The following PRKDC variants were observed in gnomAD, a reference collection of about 807,000 sequenced individuals.
PRKDC encodes protein kinase, DNA-activated, catalytic subunit, also known as DNA-dependent protein kinase catalytic subunit.
Under a neutral mutation model 486.9 loss-of-function variants are expected in PRKDC, and 82 were observed. The observed-to-expected ratio is 0.17, with a 90% CI of 0.14 to 0.20. The LOEUF (loss-of-function observed/expected upper bound fraction) is 0.20, where lower values mean the gene tolerates loss of function less well. PRKDC is among the 10% of genes least tolerant of loss of function. The probability of loss-of-function intolerance (pLI) is 1.00; values close to 1 mark genes in which losing one functional copy is unlikely to be tolerated. For synonymous variants in PRKDC, 1,895 were observed against 1,837.0 expected (o/e 1.03, Z -0.81); for missense variants, 4,504 against 5,038.2 (o/e 0.89, Z 3.21).
chr8:47,935,954 G>A (rs538213334), intron 12 of PRKDC, 54 bp from the exon 13 acceptor site: 2 of 1,459,020 alleles, frequency 1.4e-6, no homozygotes, highest in African/African-American at 1.4e-5. Context: ...AATGAATACA[G>A]GAATAATACA....
At chr8:47,857,953 C>T (rs1048682155) in intron 48 of PRKDC, among the ~76,000 whole-genome samples, 1 of 152,158 alleles carries the variant, frequency 6.6e-6, no homozygotes, top group Non-Finnish European at 1.5e-5. Flanking sequence ...CTGGTCCAGA[C>T]CACACTCCCA....
chr8:47,911,549 T>G (rs938105173), intron 25 of PRKDC, among the ~76,000 whole-genome samples: 1 of 152,238 alleles, frequency 6.6e-6, no homozygotes, highest in Non-Finnish European at 1.5e-5. Flanking sequence ...TGCTGGACTA[T>G]ATCCACTCAT....
chr8:47,857,414 C>G, intron 48 of PRKDC, 115 bp from the exon 49 acceptor site: 1 of 1,171,150 alleles, frequency 8.5e-7, no homozygotes, highest in Non-Finnish European at 1.2e-6. Flanking sequence ...GACCTAAAGC[C>G]AAAAGCGAGG....
chr8:47,835,532 G>A (rs1589730464), intron 58 of PRKDC, among the ~76,000 whole-genome samples: 1 of 138,114 alleles, frequency 7.2e-6, no homozygotes, highest in Non-Finnish European at 1.5e-5. Context: ...CAGAGGAATC[G>A]CTTGAACCCA....
chr8:47,898,672 T>TTAAA (rs770279951), intron 28 of PRKDC, 103 bp from the exon 29 acceptor site: 4 of 615,144 alleles, frequency 6.5e-6, no homozygotes, highest in Non-Finnish European at 9.9e-6. Context: ...ACTGAAAAGG[T>TTAAA]AATTTTACTA....
intron 45 of PRKDC, among the ~76,000 whole-genome samples, chr8:47,860,486 G>A (rs1478545397): frequency 6.6e-6 from 1 of 152,196 alleles, no homozygotes; most frequent in Non-Finnish European, 1.5e-5. Context: ...GCTCTGTCCT[G>A]CCGGAGATGG....
Position 47,782,041 on chromosome 8 carries a change from G to A in PRKDC, c.11489+121C>T. 1 of 783,468 alleles carries A rather than the reference G, an allele frequency of 1.3e-6. No individual in the cohort carries two copies. Among genetic ancestry groups the A allele is most frequent in the Non-Finnish European group, 2.1e-6 (1 of 476,312 alleles). The allele number at this position is 783,468 out of a possible 1,614,324, so 48.5% of individuals were successfully genotyped here. On this transcript the variant is annotated intron_variant, in intron 80 of 85. Transcript: ENST00000314191. This position sits in a 1 kb window ranked among gnomAD's most constrained non-coding sequence, Gnocchi z 4.9. ...GCACTCCATTTGGTTTATTGACCCA[G>A]CCAGCAGACTGCGGGGCAGGCAGTG...
chr8:47,884,576 A>T (rs2089288553), intron 36 of PRKDC, among the ~76,000 whole-genome samples: 1 of 152,200 alleles, frequency 6.6e-6, no homozygotes, highest in African/African-American at 2.4e-5. Context: ...TTTCCATCAG[A>T]GGTCATAGTT....
At chr8:47,919,999 T>C (rs753630428) in intron 21 of PRKDC, among the ~76,000 whole-genome samples, 2 of 152,162 alleles carry the variant, frequency 1.3e-5, no homozygotes, top group Non-Finnish European at 2.9e-5. Flanking sequence ...CCACAAACAA[T>C]AGCATGAGGC....
chr8:47,943,491 C>T, intron 9 of PRKDC, 125 bp from the exon 10 acceptor site: 1 of 990,156 alleles, frequency 1.0e-6, no homozygotes, highest in Non-Finnish European at 1.4e-6. Context: ...CATTACACTA[C>T]AGTAACCCAG....
At position 47,826,861 on chromosome 8, in the gene PRKDC, C is replaced by T; in HGVS notation, c.8578G>A (p.Asp2860Asn). Residue 2860 changes from aspartate (D) to asparagine (N), a missense_variant and splice_region_variant, in exon 63 of 86, where the codon GAC (aspartate) becomes AAC (asparagine). Physicochemically the swap from Asp to Asn is conservative, Grantham distance 23. Around this residue, in one of 6 missense-constraint regions of PRKDC, gnomAD observed 1,592 missense variants for 1,724.6 expected, o/e 0.92. Coordinates refer to ENST00000314191, the MANE Select transcript of PRKDC (RefSeq NM_006904.7). ...AGGGCTGCGTGCTGACAGCTAATGT[C>T]CTGTGAAACCACACATACAACCAGC... is the stretch of plus-strand genomic sequence containing the variant. ...FFPPFVSCIQDISCQHAALLS... is the reference protein window; with the variant it reads ...FFPPFVSCIQNISCQHAALLS... 6.4e-7 allele frequency: 1 copy of T among 1,570,810 alleles called. No homozygotes were observed. The highest frequency in any genetic ancestry group is 8.7e-7 in the Non-Finnish European group (1 of 1,153,284).
In PRKDC at chr8:47,773,638, C is replaced by A. The variant is rs759332669; in HGVS notation, c.*535G>T. The A allele has an allele frequency of 6.3e-5, 14 of 220,690 alleles. No homozygotes were observed. The highest frequency in any genetic ancestry group is 1.2e-4 in the Non-Finnish European group (13 of 110,416). 13.7% of individuals were successfully genotyped at this position (220,690 alleles called of 1,614,324 possible). ...AACCTAGAAAAATATCCTAAAATAT[C>A]AAATGCAGTCATTTCTAAATATAAG... On this transcript the variant is annotated 3_prime_UTR_variant, in exon 86 of 86. Coordinates refer to ENST00000314191, the MANE Select transcript of PRKDC (RefSeq NM_006904.7).
chr8:47,916,365 T>C (rs2089982681), intron 22 of PRKDC, among the ~76,000 whole-genome samples: 1 of 151,988 alleles, frequency 6.6e-6, no homozygotes, highest in East Asian at 1.9e-4. Flanking sequence ...GGAGAATCGC[T>C]TGAACCCAGG....
chr8:47,781,866 C>T (rs1385461279), intron 80 of PRKDC, among the ~76,000 whole-genome samples: 4 of 152,216 alleles, frequency 2.6e-5, no homozygotes, highest in African/African-American at 7.2e-5. Flanking sequence ...AAATTGAGAA[C>T]AGTACCTAGC....
At chr8:47,787,009 G>A (rs1485012808) in intron 76 of PRKDC, among the ~76,000 whole-genome samples, 1 of 152,030 alleles carries the variant, frequency 6.6e-6, no homozygotes, top group Non-Finnish European at 1.5e-5. Flanking sequence ...TTACAGGTGT[G>A]AGCCACCATG....
intron 40 of PRKDC, among the ~76,000 whole-genome samples, chr8:47,868,483 TGA>T (rs748950848): frequency 3.2e-4 from 48 of 151,976 alleles, no homozygotes; most frequent in Non-Finnish European, 6.2e-4. Flanking sequence ...GAAGACCACT[TGA>T]GCCCAGAAGT....
At chr8:47,896,259 T>A (rs1245256198) in intron 30 of PRKDC, among the ~76,000 whole-genome samples, 1 of 151,998 alleles carries the variant, frequency 6.6e-6, no homozygotes, top group Non-Finnish European at 1.5e-5. Context: ...TATCCTATAG[T>A]ATGACAAAAT....
At chr8:47,855,517 G>T in intron 49 of PRKDC, 144 bp from the exon 50 acceptor site, 1 of 895,488 alleles carries the variant, frequency 1.1e-6, no homozygotes, top group Non-Finnish European at 1.6e-6. Context: ...TCAGAAACAG[G>T]TAACAACAAA....
intron 1 of PRKDC, among the ~76,000 whole-genome samples, chr8:47,957,825 G>T (rs1020241825): frequency 2.0e-5 from 3 of 152,046 alleles, no homozygotes; most frequent in African/African-American, 7.2e-5. Context: ...AGGTTGCAAC[G>T]GTTTTCAAGG....
Sources: allele counts gnomAD v4.1 joint callset (sites outside exome capture counted in the v4.1 genomes callset), GRCh38; gene constraint gnomAD v4.1.1; regional missense constraint gnomAD v4.1.1; non-coding constraint Gnocchi (gnomAD v3.1); transcripts MANE v1.5; gene names NCBI Gene and HGNC (gene_info 2026-07-23, HGNC 2026-07-21).